Variants in KLHL3 observed in about 807,000 individuals in gnomAD.
KLHL3 encodes the protein kelch-like protein 3.
A neutral mutation model predicts 70.5 loss-of-function variants in KLHL3; 19 were observed. That is an observed-to-expected ratio of 0.27 (90% CI 0.19 to 0.40). The LOEUF (loss-of-function observed/expected upper bound fraction) is 0.40, where lower values mean the gene tolerates loss of function less well. Among genes scored for constraint, KLHL3 ranks in the 10% least tolerant of loss-of-function variants. KLHL3 has a pLI of 1.00. For synonymous variants in KLHL3, 258 were observed against 290.3 expected, an observed-to-expected ratio of 0.89 and a Z score of 1.13; for missense variants, 512 against 771.1, an observed-to-expected ratio of 0.66 and a Z score of 3.98.
At chr5:137,723,560 T>A (rs1254309581) in intron 1 of KLHL3, among the ~76,000 whole-genome samples, 2 of 152,360 alleles carry the variant, frequency 1.3e-5, no homozygotes, top group East Asian at 3.9e-4. Flanking sequence ...TTATAAAATG[T>A]AGTTTTTGCA....
chr5:137,732,654 C>A (rs149229490), intron 1 of KLHL3, among the ~76,000 whole-genome samples: 7 of 152,110 alleles, frequency 4.6e-5, no homozygotes, highest in Admixed American at 4.6e-4. Context: ...AAAGAGAGGT[C>A]CTAAAATATG....
At chr5:137,731,290 T>C (rs1009449006) in intron 1 of KLHL3, among the ~76,000 whole-genome samples, 3 of 152,210 alleles carry the variant, frequency 2.0e-5, no homozygotes, top group Admixed American at 1.3e-4. Flanking sequence ...ATGGTTGAAA[T>C]GCGTGCACAT....
intron 6 of KLHL3, among the ~76,000 whole-genome samples, chr5:137,667,859 C>G (rs961387520): frequency 6.6e-6 from 1 of 152,172 alleles, no homozygotes; most frequent in African/African-American, 2.4e-5. Flanking sequence ...CTGAGAAGGA[C>G]TAACTTTATT....
At chr5:137,633,815 GA>G (rs1057286511) in intron 12 of KLHL3, among the ~76,000 whole-genome samples, 6 of 152,174 alleles carry the variant, frequency 3.9e-5, no homozygotes, top group African/African-American at 1.2e-4. Flanking sequence ...TTCCAAAAGG[GA>G]TAAGTCTGGG....
chr5:137,651,892 G>A (rs1334763380), intron 8 of KLHL3, among the ~76,000 whole-genome samples: 2 of 152,092 alleles, frequency 1.3e-5, no homozygotes, highest in African/African-American at 2.4e-5. Flanking sequence ...AGAAATAGAC[G>A]AACACATATA....
intron 8 of KLHL3, among the ~76,000 whole-genome samples, chr5:137,648,944 T>G (rs910943265): frequency 6.6e-6 from 1 of 152,198 alleles, no homozygotes; most frequent in Non-Finnish European, 1.5e-5. Flanking sequence ...CTCTACTTAT[T>G]TGGTTGTTCA....
At chr5:137,684,485 C>T (rs1752113960) in intron 5 of KLHL3, among the ~76,000 whole-genome samples, 3 of 152,192 alleles carry the variant, frequency 2.0e-5, no homozygotes, top group Non-Finnish European at 4.4e-5. Context: ...CCATTTCTCT[C>T]CATAAGCACG....
intron 1 of KLHL3, 142 bp from the exon 2 acceptor site, chr5:137,720,726 A>G: frequency 6.8e-7 from 1 of 1,473,216 alleles, no homozygotes; most frequent in Non-Finnish European, 8.9e-7. Flanking sequence ...AGGAAAGACA[A>G]TGTACTGGGA....
chr5:137,643,328 C>G (rs1255718232), intron 8 of KLHL3, among the ~76,000 whole-genome samples: 8 of 147,874 alleles, frequency 5.4e-5, no homozygotes, highest in Non-Finnish European at 1.2e-4. Context: ...GCACTCCAGT[C>G]TGGGCAACAG....
intron 11 of KLHL3, among the ~76,000 whole-genome samples, chr5:137,634,385 A>G (rs1750717119): frequency 6.6e-6 from 1 of 152,230 alleles, no homozygotes; most frequent in Admixed American, 6.5e-5. Flanking sequence ...CTTAGAAGCA[A>G]ACACTTAACG....
At chr5:137,664,218 T>G (rs1018532435) in intron 6 of KLHL3, among the ~76,000 whole-genome samples, 4 of 151,212 alleles carry the variant, frequency 2.6e-5, no homozygotes, top group African/African-American at 9.7e-5. Flanking sequence ...GGCATGGTGG[T>G]GCATGCCTAT....
At position 137,651,462 on chromosome 5, in the gene KLHL3, T is replaced by C. The variant is rs146097694; in HGVS notation, c.903+6669A>G. On this transcript the variant is annotated intron_variant, in intron 8 of 14. Transcript: ENST00000309755. ...GAAATTGGAATTTCAAAAGAAAACA[T>C]TTACAATAGCATCTAAAACAATAAA... Among the ~76,000 whole-genome samples, 739 of 152,270 alleles carry C rather than the reference T, an allele frequency of 4.9e-3. 2 individuals are homozygous for C. The highest frequency in any genetic ancestry group is 0.014 in the Middle Eastern group (4 of 294).
intron 8 of KLHL3, among the ~76,000 whole-genome samples, chr5:137,643,975 A>G (rs1455737650): frequency 1.3e-5 from 2 of 152,112 alleles, no homozygotes; most frequent in Non-Finnish European, 1.5e-5. Flanking sequence ...AAGTGAAATC[A>G]TGTGGTGTTT....
At position 137,668,932 on chromosome 5, in the gene KLHL3, G is replaced by C. The variant is rs573051918; in HGVS notation, c.637-6901C>G. Among the ~76,000 whole-genome samples the C allele has an allele frequency of 7.2e-5, 11 of 152,282 alleles. No individual in the cohort carries two copies. In the East Asian group the frequency reaches 1.4e-3, roughly 19 times the overall value. On this transcript the variant is annotated intron_variant, in intron 6 of 14. Transcript: ENST00000309755. ...TTTACCAGCACACCACTGGCTGAGC[G>C]ATGTCCTGGTCTGAAGTCTCCCTAG...
chr5:137,698,230 T>C, intron 4 of KLHL3, 57 bp downstream of exon 4: 1 of 1,594,520 alleles, frequency 6.3e-7, no homozygotes, highest in Non-Finnish European at 8.6e-7. Context: ...AATAACGCTG[T>C]AAAATGGTGG....
intron 3 of KLHL3, among the ~76,000 whole-genome samples, chr5:137,701,609 T>C (rs537011875): frequency 1.8e-4 from 27 of 152,276 alleles, no homozygotes; most frequent in African/African-American, 6.5e-4. Flanking sequence ...AAAACAAGCA[T>C]TGAAAAAGTA....
intron 2 of KLHL3, among the ~76,000 whole-genome samples, chr5:137,717,443 T>C (rs1008917533): frequency 3.3e-5 from 5 of 152,098 alleles, no homozygotes; most frequent in African/African-American, 1.2e-4. Flanking sequence ...GGGAGGAGAA[T>C]TGCTTGAACC....
At chr5:137,642,102 G>C (rs545010384) in intron 8 of KLHL3, among the ~76,000 whole-genome samples, 1 of 152,250 alleles carries the variant, frequency 6.6e-6, no homozygotes, top group South Asian at 2.1e-4. Context: ...AGGGCAGAAT[G>C]ACATGTTCGT....
At chr5:137,628,665 A>G in intron 12 of KLHL3, 1 of 415,998 alleles carries the variant, frequency 2.4e-6, no homozygotes, top group Non-Finnish European at 4.2e-6. Flanking sequence ...TGCAAATGTG[A>G]CCCAAATTCT....
Sources: allele counts gnomAD v4.1 joint callset (sites outside exome capture counted in the v4.1 genomes callset), GRCh38; gene constraint gnomAD v4.1.1; transcripts MANE v1.5; gene names NCBI Gene and HGNC (gene_info 2026-07-23, HGNC 2026-07-21).